The following TENM3 variants were observed in gnomAD, a reference collection of about 807,000 sequenced individuals.
TENM3 encodes the protein teneurin transmembrane protein 3, also known as teneurin-3.
TENM3 carries 63 observed loss-of-function variants against 255.1 expected under a neutral mutation model. That is an observed-to-expected ratio of 0.25 (90% CI 0.20 to 0.30). The LOEUF (loss-of-function observed/expected upper bound fraction) is 0.30, where lower values mean the gene tolerates loss of function less well. Among genes scored for constraint, TENM3 ranks in the 10% least tolerant of loss-of-function variants. The pLI, the probability that TENM3 is intolerant of heterozygous loss-of-function variation, is 1.00. For synonymous variants in TENM3, 1,306 were observed against 1,322.3 expected (o/e 0.99, Z 0.27); for missense variants, 2,929 against 3,461.1 (o/e 0.85, Z 3.86).
the TENM3 span, among the ~76,000 whole-genome samples, chr4:181,533,344 A>G: frequency 6.6e-5 from 10 of 152,294 alleles, no homozygotes; most frequent in South Asian, 1.7e-3. Context: ...TTTTAATACA[A>G]AAGAGTTCAC....
At chr4:181,967,598 G>A in the TENM3 span, among the ~76,000 whole-genome samples, 2 of 152,140 alleles carry the variant, frequency 1.3e-5, no homozygotes, top group African/African-American at 4.8e-5. Flanking sequence ...CCTGCTTGAT[G>A]TCACTGTCAC....
chr4:181,646,211 G>A, the TENM3 span, among the ~76,000 whole-genome samples: 94 of 152,318 alleles, frequency 6.2e-4, no homozygotes, highest in Non-Finnish European at 1.1e-3. Flanking sequence ...AATTATGTGA[G>A]CCTGCTCACA....
chr4:182,544,593 C>T (rs760771407), intron 3 of TENM3, among the ~76,000 whole-genome samples: 18 of 151,984 alleles, frequency 1.2e-4, no homozygotes, highest in African/African-American at 3.1e-4. Context: ...GGAGCCACCG[C>T]GCCCGGCCTG....
chr4:181,693,738 C>T, the TENM3 span, among the ~76,000 whole-genome samples: 1 of 152,184 alleles, frequency 6.6e-6, no homozygotes, highest in African/African-American at 2.4e-5. Context: ...TTGTCCCTTC[C>T]GGAAATCCTA....
chr4:181,867,235 T>C, the TENM3 span, among the ~76,000 whole-genome samples: 1 of 152,142 alleles, frequency 6.6e-6, no homozygotes, highest in Non-Finnish European at 1.5e-5. Context: ...CTGAAAAATT[T>C]CTTCAATCAA....
At chr4:181,592,248 T>C in the TENM3 span, among the ~76,000 whole-genome samples, 7 of 42,486 alleles carry the variant, frequency 1.6e-4, no homozygotes, top group Non-Finnish European at 3.1e-4. Context: ...TAAAGCTGTT[T>C]AAACACAAAC....
chr4:182,402,584 G>T (rs1364357569), intron 3 of TENM3, among the ~76,000 whole-genome samples: 1 of 152,160 alleles, frequency 6.6e-6, no homozygotes, highest in Non-Finnish European at 1.5e-5. Flanking sequence ...AAGCTTAAAA[G>T]AAAATTTAAT....
chr4:182,351,053 T>C (rs566435087), intron 3 of TENM3, among the ~76,000 whole-genome samples: 44 of 151,898 alleles, frequency 2.9e-4, no homozygotes, highest in Non-Finnish European at 5.9e-4. Flanking sequence ...TAATCTGACC[T>C]CAGTTCCAAA....
At position 182,801,241 on chromosome 4, in the gene TENM3, G is replaced by GTT. The variant is rs1427492850; in HGVS notation, c.*891_*892dup. Reference sequence around the variant, plus strand: ...ACTTATGCCTATAATGTCCAGAAGTGTTAATATTTTTGTATTAGGTTGAAA... The same window carrying GTT: ...ACTTATGCCTATAATGTCCAGAAGTGTTTTAATATTTTTGTATTAGGTTGAAA... On this transcript the variant is annotated 3_prime_UTR_variant, in exon 28 of 28. Coordinates refer to ENST00000511685, the MANE Select transcript of TENM3 (RefSeq NM_001080477.4). The GTT allele has an allele frequency of 6.6e-6, 1 of 152,480 alleles. No homozygotes were observed. The highest frequency in any genetic ancestry group is 1.9e-4 in the East Asian group (1 of 5,176). The allele number at this position is 152,480 out of a possible 1,614,324, so 9.4% of individuals were successfully genotyped here.
the TENM3 span, among the ~76,000 whole-genome samples, chr4:181,520,647 T>C: frequency 2.6e-5 from 4 of 151,924 alleles, no homozygotes; most frequent in Admixed American, 2.6e-4. Context: ...AATAAAAGAA[T>C]AGCAGAGGTG....
the TENM3 span, among the ~76,000 whole-genome samples, chr4:181,875,399 G>A: frequency 1.4e-5 from 2 of 142,796 alleles, no homozygotes; most frequent in Non-Finnish European, 3.0e-5. Flanking sequence ...ATTTAATATT[G>A]TTATTTCTTC....
the TENM3 span, among the ~76,000 whole-genome samples, chr4:181,723,526 G>A: frequency 6.6e-6 from 1 of 151,752 alleles, no homozygotes; most frequent in African/African-American, 2.4e-5. Flanking sequence ...CATTTAGCTG[G>A]GTATAGAACT....
chr4:182,051,479 G>A, the TENM3 span, among the ~76,000 whole-genome samples: 5 of 148,082 alleles, frequency 3.4e-5, no homozygotes, highest in East Asian at 2.1e-4. Context: ...CTGGGTTCAC[G>A]CCATTCTCCT....
the TENM3 span, among the ~76,000 whole-genome samples, chr4:181,592,334 CTTTTT>C: frequency 1.8e-4 from 25 of 137,282 alleles, no homozygotes; most frequent in Admixed American, 8.0e-4. Context: ...CCATATGGCT[CTTTTT>C]TTTTTTTTTT....
chr4:182,076,365 A>G, the TENM3 span, among the ~76,000 whole-genome samples: 1 of 151,730 alleles, frequency 6.6e-6, no homozygotes, highest in Non-Finnish European at 1.5e-5. Flanking sequence ...CACCACGCCC[A>G]GCTTATTTTT....
the TENM3 span, among the ~76,000 whole-genome samples, chr4:181,588,532 T>C: frequency 1.1e-4 from 16 of 152,240 alleles, no homozygotes; most frequent in East Asian, 3.1e-3. Context: ...AGGATAGAGA[T>C]TCCAATTGGG....
At chr4:182,214,783 T>C (rs1005416479) in intron 1 of TENM3, among the ~76,000 whole-genome samples, 1 of 152,188 alleles carries the variant, frequency 6.6e-6, no homozygotes, top group Non-Finnish European at 1.5e-5. Context: ...GCACTTAAAT[T>C]GCGACAGTGG....
chr4:181,844,783 C>A, the TENM3 span, among the ~76,000 whole-genome samples: 1 of 152,144 alleles, frequency 6.6e-6, no homozygotes. Flanking sequence ...AGATGCTCTT[C>A]GGGGTAAGTG....
chr4:182,470,567 G>T (rs577057692), intron 3 of TENM3, among the ~76,000 whole-genome samples: 2 of 152,262 alleles, frequency 1.3e-5, no homozygotes, highest in South Asian at 2.1e-4. Flanking sequence ...TGGCTGCTAA[G>T]AGAAGAGAAA....
Sources: gnomAD v4.1 joint callset for allele counts (sites outside exome capture counted in the v4.1 genomes callset) on GRCh38, gnomAD v4.1.1 for gene constraint, MANE v1.5 for transcripts, NCBI Gene and HGNC (gene_info 2026-07-23, HGNC 2026-07-21) for gene names.